Variants in PDE1C observed in about 807,000 individuals in gnomAD.
PDE1C encodes phosphodiesterase 1C.
PDE1C carries 62 observed loss-of-function variants against 93.1 expected under a neutral mutation model. The observed-to-expected ratio is 0.67, with a 90% CI of 0.54 to 0.82. PDE1C has a LOEUF of 0.82. PDE1C is among the 40% of genes least tolerant of loss of function. The probability of loss-of-function intolerance (pLI) is 0.00; values close to 1 mark genes in which losing one functional copy is unlikely to be tolerated. For missense variants in PDE1C, 742 were observed against 884.6 expected, an observed-to-expected ratio of 0.84 and a Z score of 2.04; for synonymous variants, 325 against 310.1, an observed-to-expected ratio of 1.05 and a Z score of -0.50.
intron 1 of PDE1C, among the ~76,000 whole-genome samples, chr7:32,368,855 C>T (rs1428378737): frequency 2.6e-5 from 4 of 152,026 alleles, no homozygotes; most frequent in Non-Finnish European, 5.9e-5. Flanking sequence ...GTATCTACTG[C>T]CAATTTATTG....
chr7:32,021,600 T>G (rs781131651), intron 2 of PDE1C, among the ~76,000 whole-genome samples: 198 of 152,278 alleles, frequency 1.3e-3, no homozygotes, highest in Non-Finnish European at 1.6e-3. Flanking sequence ...TAAAATAGTT[T>G]TTTTATAATT....
intron 1 of PDE1C, among the ~76,000 whole-genome samples, chr7:32,279,320 A>T (rs989091852): frequency 3.3e-5 from 5 of 152,212 alleles, no homozygotes; most frequent in Non-Finnish European, 7.4e-5. Context: ...AATATAGCCC[A>T]GGGAGGGAGG....
chr7:32,153,739 T>G (rs1801399102), intron 3 of PDE1C, among the ~76,000 whole-genome samples: 1 of 152,194 alleles, frequency 6.6e-6, no homozygotes, highest in Non-Finnish European at 1.5e-5. Context: ...GAAGATAAAA[T>G]TATTTCAGCA....
chr7:32,221,126 T>G (rs1227828209), intron 1 of PDE1C, among the ~76,000 whole-genome samples: 1 of 152,258 alleles, frequency 6.6e-6, no homozygotes, highest in East Asian at 1.9e-4. Context: ...CCTTCTCTTC[T>G]CCAAACTGAC....
intron 2 of PDE1C, among the ~76,000 whole-genome samples, chr7:31,984,340 T>C (rs1783090601): frequency 6.6e-6 from 1 of 152,128 alleles, no homozygotes; most frequent in South Asian, 2.1e-4. Flanking sequence ...TGATCTGAGG[T>C]AGGACAGTTT....
At chr7:31,984,781 A>G (rs1783146934) in intron 2 of PDE1C, among the ~76,000 whole-genome samples, 1 of 152,238 alleles carries the variant, frequency 6.6e-6, no homozygotes, top group South Asian at 2.1e-4. Flanking sequence ...TCAGTTAACA[A>G]AAACATTGAC....
rs189145874 is a variant in PDE1C, at chr7:31,765,376, T to G, written c.1960+10288A>C. On this transcript the variant is annotated intron_variant, in intron 17 of 17. Transcript: ENST00000396191. ...TCATCATTAATGTGTTTCTTCGTTT[T>G]CATTTTGTTTGTCTTGGCATGATTC... Among the ~76,000 whole-genome samples, 610 of 152,328 alleles carry G rather than the reference T, an allele frequency of 4.0e-3. 1 individual carries two copies. The highest frequency in any genetic ancestry group is 7.2e-3 in the Non-Finnish European group (492 of 68,030).
At chr7:32,014,184 C>T (rs1012546214) in intron 2 of PDE1C, among the ~76,000 whole-genome samples, 3 of 152,154 alleles carry the variant, frequency 2.0e-5, no homozygotes, top group African/African-American at 7.2e-5. Flanking sequence ...ACAGGCAAGA[C>T]ACACAAGTAT....
chr7:32,204,874 T>C (rs1437178165), intron 2 of PDE1C, among the ~76,000 whole-genome samples: 2 of 152,224 alleles, frequency 1.3e-5, no homozygotes, highest in African/African-American at 2.4e-5. Context: ...ACATGCTGTA[T>C]TGTAGTAGTC....
At chr7:31,878,840 G>A (rs1796911329) in intron 4 of PDE1C, among the ~76,000 whole-genome samples, 156 bp downstream of exon 4, 1 of 152,162 alleles carries the variant, frequency 6.6e-6, no homozygotes, top group African/African-American at 2.4e-5. Flanking sequence ...AAATAGATAT[G>A]TTTTTGCCAT....
At chr7:31,699,782 TTTTA>T in the PDE1C span, among the ~76,000 whole-genome samples, 3 of 152,144 alleles carry the variant, frequency 2.0e-5, no homozygotes, top group African/African-American at 7.2e-5. Flanking sequence ...CTGTTTAGAA[TTTTA>T]TTATTATTAT....
chr7:31,749,764 G>A (rs1436015302), downstream of PDE1C, among the ~76,000 whole-genome samples: 2 of 132,668 alleles, frequency 1.5e-5, no homozygotes, highest in African/African-American at 5.4e-5. Flanking sequence ...TTGAGACAGA[G>A]TCTCACTCTG....
At chr7:31,702,054 T>A in the PDE1C span, among the ~76,000 whole-genome samples, 4 of 152,340 alleles carry the variant, frequency 2.6e-5, 1 homozygote, top group African/African-American at 9.6e-5. Flanking sequence ...ATTTTGCCTT[T>A]GTATAACCCA....
chr7:31,762,955 G>A (rs754294373), intron 17 of PDE1C, among the ~76,000 whole-genome samples: 1 of 152,088 alleles, frequency 6.6e-6, no homozygotes, highest in Non-Finnish European at 1.5e-5. Context: ...TCTCCCACTG[G>A]TGGTTCTCAA....
intron 2 of PDE1C, among the ~76,000 whole-genome samples, chr7:31,998,924 G>A (rs1299929752): frequency 6.6e-6 from 1 of 152,194 alleles, no homozygotes; most frequent in Admixed American, 6.5e-5. Context: ...TCACAGCTGA[G>A]GTTGCTGTGT....
At chr7:32,095,244 G>T (rs527665234) in intron 3 of PDE1C, among the ~76,000 whole-genome samples, 1 of 152,162 alleles carries the variant, frequency 6.6e-6, no homozygotes, top group African/African-American at 2.4e-5. Flanking sequence ...GAAAATCTTG[G>T]GAAAGCAACC....
At chr7:31,625,770 AT>A in the PDE1C span, among the ~76,000 whole-genome samples, 1 of 152,124 alleles carries the variant, frequency 6.6e-6, no homozygotes, top group African/African-American at 2.4e-5. Flanking sequence ...TTAAAGTATA[AT>A]TAAAAAAAAA....
chr7:31,888,799 G>A (rs1583805720), intron 2 of PDE1C, among the ~76,000 whole-genome samples: 1 of 151,414 alleles, frequency 6.6e-6, no homozygotes, highest in South Asian at 2.1e-4. Flanking sequence ...ACATAGGACT[G>A]GAAAAAAATA....
At chr7:31,761,003 G>A (rs1211933097) in intron 17 of PDE1C, among the ~76,000 whole-genome samples, 1 of 152,152 alleles carries the variant, frequency 6.6e-6, no homozygotes, top group Non-Finnish European at 1.5e-5. Flanking sequence ...CCCCACTGAG[G>A]ATGGGACAAT....
Sources: gnomAD v4.1 joint callset for allele counts (sites outside exome capture counted in the v4.1 genomes callset) on GRCh38, gnomAD v4.1.1 for gene constraint, MANE v1.5 for transcripts, NCBI Gene and HGNC (gene_info 2026-07-23, HGNC 2026-07-21) for gene names.